ALK: variants seen among roughly 807,000 people sequenced by gnomAD.
ALK encodes ALK tyrosine kinase receptor.
In ALK, 74 loss-of-function variants were observed where a neutral mutation model predicts 163.1. The observed-to-expected ratio is 0.45, with a 90% CI of 0.38 to 0.55. The LOEUF (loss-of-function observed/expected upper bound fraction) is 0.55. Among genes scored for constraint, ALK ranks in the 20% least tolerant of loss-of-function variants. The pLI, the probability that ALK is intolerant of heterozygous loss-of-function variation, is 0.00. For synonymous variants in ALK, 960 were observed against 843.2 expected (o/e 1.14, Z -2.40); for missense variants, 2,063 against 2,105.3 (o/e 0.98, Z 0.39).
chr2:29,259,981 T>C (rs1369617736), intron 11 of ALK, among the ~76,000 whole-genome samples: 3 of 152,032 alleles, frequency 2.0e-5, no homozygotes, highest in African/African-American at 7.2e-5. Flanking sequence ...GAGAAGGAAA[T>C]TTAGAATTAT....
Position 29,227,133 on chromosome 2 carries a change from CA to C in ALK, c.2915-60del. On this transcript the variant is annotated intron_variant, in intron 17 of 28. Coordinates refer to ENST00000389048, the MANE Select transcript of ALK (RefSeq NM_004304.5). The surrounding 1 kb of genome is among the most constrained non-coding windows in gnomAD (Gnocchi z 4.4). The stretch of plus-strand genomic sequence containing the variant: ...GAGCCTGCCTCCCCACTCCCAGCCT[CA>C]GTACTATGTCTCCAGGTGGTCACTG... The C allele has an allele frequency of 6.2e-7, 1 of 1,611,500 alleles. No individual in the cohort carries two copies. Among genetic ancestry groups the C allele is most frequent in the Non-Finnish European group, 8.5e-7 (1 of 1,178,086 alleles).
chr2:29,769,549 C>T (rs189830389), intron 1 of ALK, among the ~76,000 whole-genome samples: 3 of 152,266 alleles, frequency 2.0e-5, no homozygotes, highest in African/African-American at 7.2e-5. Context: ...TAGCCCCAGG[C>T]CTGGCTCGGC....
chr2:29,325,019 T>A (rs1667209088), intron 6 of ALK, among the ~76,000 whole-genome samples: 1 of 152,138 alleles, frequency 6.6e-6, no homozygotes. Flanking sequence ...AGTCTGATAA[T>A]CTGTTTGCAG....
intron 5 of ALK, among the ~76,000 whole-genome samples, chr2:29,343,304 G>C (rs1667854792): frequency 1.3e-5 from 2 of 149,984 alleles, no homozygotes; most frequent in South Asian, 4.2e-4. Context: ...AGCCTCCTGG[G>C]CTCAAGTGAT....
rs75771817 is a variant in ALK at position 29,683,693 on chromosome 2, G to T, written c.952+11157C>A. Reference sequence around the variant, plus strand: ...ATCCTTTGTCATGTCCAAAATTTTTGAGTTTAACCCACCCCCCATTCCCAG... The same window carrying T: ...ATCCTTTGTCATGTCCAAAATTTTTTAGTTTAACCCACCCCCCATTCCCAG... On this transcript the variant is annotated intron_variant, in intron 3 of 28. Coordinates refer to ENST00000389048, the MANE Select transcript of ALK (RefSeq NM_004304.5). 4.5e-3 allele frequency among the ~76,000 whole-genome samples: 680 copies of T among 152,188 alleles called. 4 individuals are homozygous for T. Among genetic ancestry groups the T allele is most frequent in the African/African-American group, 0.014 (596 of 41,542 alleles).
intron 1 of ALK, among the ~76,000 whole-genome samples, chr2:29,726,558 C>T (rs1679581346): frequency 6.6e-6 from 1 of 152,208 alleles, no homozygotes; most frequent in South Asian, 2.1e-4. Flanking sequence ...ACATGTTAGA[C>T]AAGAGGCTAC....
chr2:29,527,966 G>A (rs76496701), intron 4 of ALK, among the ~76,000 whole-genome samples: 2,047 of 152,282 alleles, frequency 0.013, 59 homozygotes, highest in African/African-American at 0.047. Context: ...AGAAAGGCAA[G>A]GCTTTGTGCT....
intron 1 of ALK, among the ~76,000 whole-genome samples, chr2:29,752,549 C>T (rs544959368): frequency 6.6e-6 from 1 of 151,704 alleles, no homozygotes; most frequent in East Asian, 1.9e-4. Context: ...GGGGTTTCAC[C>T]GTGTTAGCCA....
At chr2:29,511,296 C>T (rs1197595951) in intron 4 of ALK, among the ~76,000 whole-genome samples, 1 of 152,108 alleles carries the variant, frequency 6.6e-6, no homozygotes, top group African/African-American at 2.4e-5. Flanking sequence ...GTCAATCCTG[C>T]CCTGCTTCCT....
In ALK at chr2:29,785,315, T is replaced by C. The variant is rs544475762; in HGVS notation, c.668-67618A>G. On this transcript the variant is annotated intron_variant, in intron 1 of 28. Coordinates refer to ENST00000389048, the MANE Select transcript of ALK (RefSeq NM_004304.5). ...GCCATTTCAGCAGAACATACCGATA[T>C]CCTGCAAACAGCAGGCACACAGTTG... Among the ~76,000 whole-genome samples, 8 of 152,176 alleles carry C rather than the reference T, an allele frequency of 5.3e-5. No individual in the cohort carries two copies. The South Asian group carries it at 1.7e-3, about 32-fold the overall frequency.
chr2:29,720,743 C>T (rs946329199), intron 1 of ALK, among the ~76,000 whole-genome samples: 3 of 152,194 alleles, frequency 2.0e-5, no homozygotes, highest in Non-Finnish European at 4.4e-5. Flanking sequence ...TCCCATCAAG[C>T]TCTTTACCCT....
chr2:29,254,311 A>C (rs1167898039), intron 11 of ALK, among the ~76,000 whole-genome samples: 2 of 152,086 alleles, frequency 1.3e-5, no homozygotes, highest in African/African-American at 2.4e-5. Flanking sequence ...CTCTCTATAT[A>C]TATATATGAA....
At chr2:29,835,497 C>T (rs1665535204) in intron 1 of ALK, among the ~76,000 whole-genome samples, 1 of 152,224 alleles carries the variant, frequency 6.6e-6, no homozygotes, top group Middle Eastern at 3.4e-3. Context: ...AGTAGTATAC[C>T]ATGCTGGTGC....
chr2:29,383,679 C>A (rs557022353), intron 5 of ALK, 53 bp downstream of exon 5: 1 of 1,612,420 alleles, frequency 6.2e-7, no homozygotes, highest in South Asian at 1.1e-5. Context: ...AGGTTATTGA[C>A]ACATCTAACA....
Position 29,226,959 on chromosome 2 carries a change from G to A in ALK, c.3030C>T (p.His1010=), listed in dbSNP as rs367642503. The part of the protein sequence containing the change: ...ESHKVICFCD[H]GTVLAEDGVS... ...CGCCATCCTCAGCCAGCACCGTCCC[G>A]TGGTCACAGAAGCAGATGACCTTGT... The change falls in exon 18 of 29, where the codon CAC becomes CAT. Residue 1010 remains histidine, a synonymous_variant. Coordinates refer to ENST00000389048, the MANE Select transcript of ALK (RefSeq NM_004304.5). The A allele has an allele frequency of 4.5e-5, 72 of 1,614,186 alleles. No homozygotes were observed. The highest frequency in any genetic ancestry group is 1.2e-4 in the African/African-American group (9 of 75,030).
intron 24 of ALK, among the ~76,000 whole-genome samples, chr2:29,212,605 G>C (rs1333619437): frequency 2.6e-5 from 4 of 152,152 alleles, no homozygotes; most frequent in Non-Finnish European, 5.9e-5. Context: ...GAGTGACTTT[G>C]GAACTTAGGC....
Position 29,851,532 on chromosome 2 carries a change from T to G in ALK, c.667+68461A>C, listed in dbSNP as rs576041018. ...CTCAGGAAGTGCTTTCCTGAATGCCTAGACCAGTTGTTCTCAAGCTTAGGT... is the reference window on the plus strand; with the variant it reads ...CTCAGGAAGTGCTTTCCTGAATGCCGAGACCAGTTGTTCTCAAGCTTAGGT... On this transcript the variant is annotated intron_variant, in intron 1 of 28. Transcript: ENST00000389048. 2.6e-5 allele frequency among the ~76,000 whole-genome samples: 4 copies of G among 152,312 alleles called. No individual in the cohort carries two copies. In the East Asian group the frequency reaches 5.8e-4, roughly 22 times the overall value.
At position 29,546,251 on chromosome 2, in the gene ALK, A is replaced by G. The variant is rs115978063; in HGVS notation, c.953-14135T>C. Among the ~76,000 whole-genome samples the G allele has an allele frequency of 7.0e-3, 1,059 of 152,282 alleles. 6 individuals carry two copies. Among genetic ancestry groups the G allele is most frequent in the African/African-American group, 0.024 (1,015 of 41,528 alleles). ...TTTTACATCAATGGATTTCATTTAG[A>G]AAAAAGGGGCAGAGCCAATAATCTC... On this transcript the variant is annotated intron_variant, in intron 3 of 28. Transcript: ENST00000389048.
chr2:29,354,178 G>A (rs1668186075), intron 5 of ALK, among the ~76,000 whole-genome samples: 1 of 152,206 alleles, frequency 6.6e-6, no homozygotes. Context: ...TGTCTGAGGA[G>A]CACAGGATGT....
Sources: gnomAD v4.1 joint callset for allele counts (sites outside exome capture counted in the v4.1 genomes callset) on GRCh38, gnomAD v4.1.1 for gene constraint, Gnocchi (gnomAD v3.1) non-coding constraint, MANE v1.5 for transcripts, NCBI Gene and HGNC (gene_info 2026-07-23, HGNC 2026-07-21) for gene names.